Variants in MYO5B observed in about 807,000 individuals in gnomAD.
MYO5B encodes unconventional myosin-Vb.
In MYO5B, 143 loss-of-function variants were observed where a neutral mutation model predicts 229.3. That is an observed-to-expected ratio of 0.62 (90% CI 0.54 to 0.72). The LOEUF is 0.72. Ranked by LOEUF, MYO5B falls within the 30% of genes least tolerant of loss-of-function variation. The pLI is 0.00. For synonymous variants in MYO5B, 918 were observed against 885.2 expected, an observed-to-expected ratio of 1.04 and a Z score of -0.66; for missense variants, 2,321 against 2,331.0, an observed-to-expected ratio of 1.00 and a Z score of 0.09.
intron 12 of MYO5B, among the ~76,000 whole-genome samples, chr18:49,955,530 A>G (rs910634336): frequency 3.9e-5 from 6 of 152,250 alleles, no homozygotes; most frequent in African/African-American, 1.2e-4. Flanking sequence ...GCCGTTTACA[A>G]AGGGATTTTT....
intron 22 of MYO5B, among the ~76,000 whole-genome samples, chr18:49,893,467 C>T (rs2024739675): frequency 6.6e-6 from 1 of 152,192 alleles, no homozygotes. Flanking sequence ...GGTTACAAGA[C>T]TTGTAGACAC....
At chr18:50,078,290 A>G (rs2031135420) in intron 1 of MYO5B, among the ~76,000 whole-genome samples, 1 of 152,182 alleles carries the variant, frequency 6.6e-6, no homozygotes, top group Admixed American at 6.5e-5. Flanking sequence ...GTGCCTTTCG[A>G]TCATGCTTGA....
chr18:50,026,552 A>G (rs1437826676), intron 4 of MYO5B, among the ~76,000 whole-genome samples: 1 of 152,268 alleles, frequency 6.6e-6, no homozygotes, highest in Non-Finnish European at 1.5e-5. Flanking sequence ...TTCACTGAGC[A>G]CATAGAACTG....
intron 1 of MYO5B, among the ~76,000 whole-genome samples, chr18:50,131,163 T>C (rs1033560775): frequency 3.3e-5 from 5 of 152,234 alleles, no homozygotes; most frequent in African/African-American, 1.2e-4. Flanking sequence ...TAGCTAATAT[T>C]AGTCATTAAT....
chr18:49,857,882 G>A (rs1171427614), intron 29 of MYO5B, among the ~76,000 whole-genome samples: 1 of 152,156 alleles, frequency 6.6e-6, no homozygotes, highest in Non-Finnish European at 1.5e-5. Flanking sequence ...GCCCCCAGCA[G>A]GACTCTGCCG....
intron 17 of MYO5B, among the ~76,000 whole-genome samples, chr18:49,912,709 G>T (rs2024972027): frequency 6.6e-6 from 1 of 152,128 alleles, no homozygotes; most frequent in South Asian, 2.1e-4. Flanking sequence ...ATGACTGTGA[G>T]TCCTCCCCAG....
intron 16 of MYO5B, among the ~76,000 whole-genome samples, chr18:49,930,806 G>A (rs1424547658): frequency 1.3e-5 from 2 of 151,714 alleles, no homozygotes; most frequent in African/African-American, 4.8e-5. Context: ...GCAGAAGAAT[G>A]GCATGAATCC....
At chr18:50,012,519 A>G (rs2144344984) in intron 4 of MYO5B, among the ~76,000 whole-genome samples, 1 of 152,364 alleles carries the variant, frequency 6.6e-6, no homozygotes, top group East Asian at 1.9e-4. Flanking sequence ...GTTGACAGAC[A>G]TACAATTGAA....
chr18:50,182,530 T>G (rs781355583), intron 1 of MYO5B, among the ~76,000 whole-genome samples: 1 of 152,216 alleles, frequency 6.6e-6, no homozygotes, highest in Non-Finnish European at 1.5e-5. Flanking sequence ...AATTAGGATA[T>G]TCAAACACAA....
intron 2 of MYO5B, among the ~76,000 whole-genome samples, chr18:50,049,987 T>C (rs1203876380): frequency 6.6e-6 from 1 of 151,506 alleles, no homozygotes; most frequent in East Asian, 1.9e-4. Context: ...TTTACCACAA[T>C]TTTTTTTTAC....
At chr18:50,066,016 C>A (rs1339386783) in intron 1 of MYO5B, among the ~76,000 whole-genome samples, 2 of 151,892 alleles carry the variant, frequency 1.3e-5, no homozygotes, top group Non-Finnish European at 2.9e-5. Flanking sequence ...GCAAGAGATG[C>A]AGAAGCCAGA....
intron 4 of MYO5B, among the ~76,000 whole-genome samples, chr18:50,002,189 C>A (rs2026055754): frequency 6.6e-6 from 1 of 152,162 alleles, no homozygotes; most frequent in Admixed American, 6.5e-5. Flanking sequence ...GCCTAGCATG[C>A]CAGCAGATAC....
chr18:49,909,601 C>A (rs1480186104), intron 18 of MYO5B, among the ~76,000 whole-genome samples: 1 of 152,210 alleles, frequency 6.6e-6, no homozygotes, highest in African/African-American at 2.4e-5. Context: ...AGGAACACAG[C>A]CACAACAGGA....
In MYO5B at chr18:49,906,419, C is replaced by T. The variant is rs761439396; in HGVS notation, c.2414G>A (p.Arg805Lys). 1 of 1,614,052 alleles carries T rather than the reference C, an allele frequency of 6.2e-7. No homozygotes were observed. Among genetic ancestry groups the T allele is most frequent in the Non-Finnish European group, 8.5e-7 (1 of 1,179,992 alleles). The change falls in exon 19 of 40, where the codon AGG becomes AAG. Residue 805 changes from arginine to lysine, a missense_variant and splice_region_variant. Coordinates refer to ENST00000285039, the MANE Select transcript of MYO5B (RefSeq NM_001080467.3). Reference protein sequence around the residue: ...QRYCRGHLARRLAEHLRRIRA... With the variant: ...QRYCRGHLARKLAEHLRRIRA... ...CCTGAGCTGCCACAGTCTGGCTCAC[C>T]TGCGGGCCAGGTGTCCCCGGCAGTA...
intron 8 of MYO5B, 152 bp from the exon 9 acceptor site, chr18:49,980,705 T>C (rs975145144): frequency 1.5e-6 from 1 of 671,552 alleles, no homozygotes; most frequent in African/African-American, 1.8e-5. Context: ...CCTCACCAAG[T>C]AATTACCACT....
intron 1 of MYO5B, among the ~76,000 whole-genome samples, chr18:50,177,501 A>G (rs1452142267): frequency 6.6e-6 from 1 of 152,250 alleles, no homozygotes; most frequent in East Asian, 1.9e-4. Context: ...CTCAGCAAGC[A>G]AACAAAACTT....
intron 26 of MYO5B, among the ~76,000 whole-genome samples, chr18:49,874,374 G>T (rs778069397): frequency 6.6e-6 from 1 of 152,228 alleles, no homozygotes; most frequent in Non-Finnish European, 1.5e-5. Flanking sequence ...ATCAGGCACC[G>T]TCTGATGTCA....
chr18:50,153,850 T>G (rs1328431189), intron 1 of MYO5B, among the ~76,000 whole-genome samples: 2 of 152,174 alleles, frequency 1.3e-5, no homozygotes, highest in East Asian at 3.9e-4. Context: ...CACCAGTGAG[T>G]GAGTGAGTGG....
chr18:49,917,010 C>T (rs1021208824), intron 17 of MYO5B, among the ~76,000 whole-genome samples: 6 of 152,210 alleles, frequency 3.9e-5, no homozygotes, highest in African/African-American at 9.7e-5. Flanking sequence ...TCACCTAAAG[C>T]TGGAACAGCC....
Sources: gnomAD v4.1 joint callset for allele counts (sites outside exome capture counted in the v4.1 genomes callset) on GRCh38, gnomAD v4.1.1 for gene constraint, MANE v1.5 for transcripts, NCBI Gene and HGNC (gene_info 2026-07-23, HGNC 2026-07-21) for gene names.